LRRC36: variants seen among roughly 807,000 people sequenced by gnomAD.
The protein encoded by LRRC36 is leucine rich repeat containing 36.
Under a neutral mutation model 81.1 loss-of-function variants are expected in LRRC36, and 62 were observed. That is an observed-to-expected ratio of 0.76 (90% CI 0.62 to 0.94). The LOEUF is 0.94. Among genes scored for constraint, LRRC36 ranks in the 40% least tolerant of loss-of-function variants. The probability of loss-of-function intolerance (pLI) is 0.00; values close to 1 mark genes in which losing one functional copy is unlikely to be tolerated. For synonymous variants in LRRC36, 334 were observed against 348.6 expected (o/e 0.96, Z 0.47); for missense variants, 761 against 881.7 (o/e 0.86, Z 1.73).
chr16:67,341,046 ATG>A (rs2038037727), intron 1 of LRRC36, among the ~76,000 whole-genome samples: 2 of 124,812 alleles, frequency 1.6e-5, no homozygotes, highest in African/African-American at 6.3e-5. Context: ...TCTATAGAAT[ATG>A]TACTCTACAT....
At chr16:67,364,553 A>G (rs1323858443) in intron 6 of LRRC36, among the ~76,000 whole-genome samples, 2 of 152,212 alleles carry the variant, frequency 1.3e-5, no homozygotes, top group Non-Finnish European at 2.9e-5. Context: ...ATAAGCATTT[A>G]ATCAGTTTCT....
chr16:67,344,758 CA>C (rs1012654403), intron 2 of LRRC36, among the ~76,000 whole-genome samples: 1 of 151,362 alleles, frequency 6.6e-6, no homozygotes, highest in East Asian at 1.9e-4. Flanking sequence ...ACAACAACAA[CA>C]AAAAAAACAA....
intron 9 of LRRC36, among the ~76,000 whole-genome samples, chr16:67,372,982 G>C (rs1006111030): frequency 4.6e-5 from 7 of 152,120 alleles, no homozygotes; most frequent in African/African-American, 1.7e-4. Context: ...TGAAGATCCA[G>C]CAACATTTAG....
intron 9 of LRRC36, among the ~76,000 whole-genome samples, chr16:67,374,910 T>A (rs1015261848): frequency 7.9e-5 from 12 of 151,512 alleles, no homozygotes; most frequent in African/African-American, 1.2e-4. Context: ...GGCGGGACGA[T>A]CACAAGGTCA....
Position 67,326,847 on chromosome 16 carries a change from T to TGAGC in LRRC36, c.-14_-11dup, listed in dbSNP as rs1011074415. On this transcript the variant is annotated 5_prime_UTR_variant, in exon 1 of 14. Coordinates refer to ENST00000329956, the MANE Select transcript of LRRC36 (RefSeq NM_018296.6). ...GGGTGGTCTCGCGGGCGGTGGCAGG[T>TGAGC]GAGCGGCGGGCGGGGATGGCGGAGC... 7.1e-7 allele frequency: 1 copy of TGAGC among 1,418,038 alleles called. No individual in the cohort carries two copies. Among genetic ancestry groups the TGAGC allele is most frequent in the Non-Finnish European group, 9.1e-7 (1 of 1,094,492 alleles). 87.8% of individuals were successfully genotyped at this position (1,418,038 alleles called of 1,614,324 possible). A position where few individuals can be genotyped will look rare whatever the true frequency, so the allele number is the denominator to read the frequency against.
At chr16:67,339,891 C>T (rs2037948005) in intron 1 of LRRC36, among the ~76,000 whole-genome samples, 1 of 152,112 alleles carries the variant, frequency 6.6e-6, no homozygotes, top group Non-Finnish European at 1.5e-5. Context: ...GCCTGTAATC[C>T]CACCACTTTG....
In LRRC36 at chr16:67,385,004, T is replaced by C. The variant is rs146472425; in HGVS notation, c.2180T>C (p.Leu727Ser). ...TCATCGCCCTTTGGGAAAAGCACGT[T>C]GTCTTCCTCCTCACCAGTGGCACAT... ...GRSSPFGKST[L>S]SSSSPVAHET... Residue 727 changes from leucine to serine, a missense_variant, in exon 14 of 14, where the codon TTG (leucine) becomes TCG (serine). Coordinates refer to ENST00000329956, the MANE Select transcript of LRRC36 (RefSeq NM_018296.6). 26 of 1,614,216 alleles carry C rather than the reference T, an allele frequency of 1.6e-5. No individual in the cohort carries two copies. Among genetic ancestry groups the C allele is most frequent in the African/African-American group, 2.7e-5 (2 of 75,048 alleles).
chr16:67,363,520 T>C (rs2039252854), intron 5 of LRRC36, 70 bp from the exon 6 acceptor site: 2 of 1,528,062 alleles, frequency 1.3e-6, no homozygotes, highest in Middle Eastern at 1.9e-4. Flanking sequence ...TTAGTATCTA[T>C]CCATTAGACA....
Position 67,363,675 on chromosome 16 carries a change from A to C in LRRC36, c.663A>C (p.Thr221=). 6.2e-7 allele frequency: 1 copy of C among 1,614,014 alleles called. No individual in the cohort carries two copies. The highest frequency in any genetic ancestry group is 8.5e-7 in the Non-Finnish European group (1 of 1,179,876). ...LSTSATQGNG[T]RDQKLDTFPL... ...CTTCTGCAACTCAGGGCAATGGTAC[A>C]CGTGATCAGAAATTAGACACCTTCC... is the stretch of plus-strand genomic sequence containing the variant. The change falls in exon 6 of 14, where the codon ACA becomes ACC. Residue 221 remains threonine (T), a synonymous_variant. Transcript: ENST00000329956.
At chr16:67,338,695 T>C (rs2037877304) in intron 1 of LRRC36, among the ~76,000 whole-genome samples, 1 of 151,978 alleles carries the variant, frequency 6.6e-6, no homozygotes. Context: ...CTCACTAAGT[T>C]ATGTAGATCT....
intron 4 of LRRC36, 97 bp from the exon 5 acceptor site, chr16:67,350,105 C>T: frequency 3.8e-6 from 3 of 799,660 alleles, no homozygotes; most frequent in Admixed American, 5.1e-5. Flanking sequence ...TGAGAAAAAT[C>T]TGATCACCAT....
At chr16:67,332,896 A>T (rs914127958) in intron 1 of LRRC36, among the ~76,000 whole-genome samples, 93 of 150,476 alleles carry the variant, frequency 6.2e-4, no homozygotes, top group Admixed American at 9.3e-4. Flanking sequence ...TTATTTATTT[A>T]TTTTTTTTTA....
chr16:67,337,615 C>T (rs998483482), intron 1 of LRRC36, among the ~76,000 whole-genome samples: 2 of 151,908 alleles, frequency 1.3e-5, no homozygotes, highest in African/African-American at 4.8e-5. Flanking sequence ...CCACCTCGGC[C>T]TTCCAAAGTG....
intron 8 of LRRC36, among the ~76,000 whole-genome samples, chr16:67,368,190 A>G (rs1255766966): frequency 6.6e-6 from 1 of 152,254 alleles, no homozygotes; most frequent in Admixed American, 6.5e-5. Flanking sequence ...AGTAGCAACC[A>G]AAATAAAGTT....
In LRRC36 at chr16:67,385,002, G is replaced by A. The variant is rs760465679; in HGVS notation, c.2178G>A (p.Thr726=). 1.1e-5 allele frequency: 18 copies of A among 1,614,182 alleles called. No homozygotes were observed. Among genetic ancestry groups the A allele is most frequent in the South Asian group, 4.4e-5 (4 of 91,086 alleles). Residue 726 remains threonine (T), a synonymous_variant, in exon 14 of 14, where the codon ACG becomes ACA. Transcript: ENST00000329956. ...GATCATCGCCCTTTGGGAAAAGCAC[G>A]TTGTCTTCCTCCTCACCAGTGGCAC... ...LGRSSPFGKS[T]LSSSSPVAHE...
At position 67,341,879 on chromosome 16, in the gene LRRC36, A is replaced by G. The variant is rs866540289; in HGVS notation, c.71-78A>G. On this transcript the variant is annotated intron_variant, in intron 1 of 13. Coordinates refer to ENST00000329956, the MANE Select transcript of LRRC36 (RefSeq NM_018296.6). ...CCTTGCACAGTTGAGATATGGGAGG[A>G]AGAAAGGCCTACTTTCACTGACTCT... 1.6e-5 allele frequency: 20 copies of G among 1,214,608 alleles called. No homozygotes were observed. The South Asian group carries it at 3.2e-4, about 19-fold the overall frequency. The allele number at this position is 1,214,608 out of a possible 1,614,324, so 75.2% of individuals were successfully genotyped here.
chr16:67,360,890 C>T (rs948496799), intron 5 of LRRC36, among the ~76,000 whole-genome samples: 1 of 152,110 alleles, frequency 6.6e-6, no homozygotes, highest in African/African-American at 2.4e-5. Context: ...CTTACATAAT[C>T]CTGCTGGAAA....
At chr16:67,362,168 G>A (rs941004316) in intron 5 of LRRC36, 3 of 453,062 alleles carry the variant, frequency 6.6e-6, no homozygotes, top group African/African-American at 6.0e-5. Flanking sequence ...GTTTTGTTTT[G>A]TTTTTTCTTC....
At chr16:67,363,003 G>A (rs8043878) in intron 5 of LRRC36, among the ~76,000 whole-genome samples, 12,843 of 152,026 alleles carry the variant, frequency 0.084, 1,794 homozygotes, top group African/African-American at 0.29. Flanking sequence ...GGCTGGTCTC[G>A]AACTCCTAAC....
Sources: allele counts gnomAD v4.1 joint callset (sites outside exome capture counted in the v4.1 genomes callset), GRCh38; gene constraint gnomAD v4.1.1; transcripts MANE v1.5; gene names NCBI Gene and HGNC (gene_info 2026-07-23, HGNC 2026-07-21).